The following ALMS1 variants were observed in gnomAD, a reference collection of about 807,000 sequenced individuals.
The protein encoded by ALMS1 is centrosome-associated protein ALMS1.
In ALMS1, 271 loss-of-function variants were observed where a neutral mutation model predicts 352.2. The observed-to-expected ratio is 0.77, with a 90% CI of 0.70 to 0.85. The LOEUF (loss-of-function observed/expected upper bound fraction) is 0.85. Ranked by LOEUF, ALMS1 falls within the 40% of genes least tolerant of loss-of-function variation. The pLI, the probability that ALMS1 is intolerant of heterozygous loss-of-function variation, is 0.00. For missense variants in ALMS1, 5,445 were observed against 4,870.7 expected, an observed-to-expected ratio of 1.12 and a Z score of -3.51; for synonymous variants, 1,865 against 1,761.2, an observed-to-expected ratio of 1.06 and a Z score of -1.48.
intron 12 of ALMS1, among the ~76,000 whole-genome samples, chr2:73,544,532 A>G (rs1258680109): frequency 6.6e-6 from 1 of 152,178 alleles, no homozygotes; most frequent in Non-Finnish European, 1.5e-5. Flanking sequence ...TAAATAAATA[A>G]AAAAGCAAAG....
chr2:73,409,754 A>G (rs550606247), intron 2 of ALMS1, among the ~76,000 whole-genome samples: 2 of 152,270 alleles, frequency 1.3e-5, no homozygotes, highest in Admixed American at 6.5e-5. Flanking sequence ...ATGTGTATAT[A>G]TATATCTTTA....
intron 10 of ALMS1, among the ~76,000 whole-genome samples, chr2:73,492,867 A>ACCGGTCTCAGCAC (rs1673020872): frequency 1.3e-5 from 2 of 152,130 alleles, no homozygotes; most frequent in Non-Finnish European, 2.9e-5. Flanking sequence ...CCACCTGAAT[A>ACCGGTCTCAGCAC]GCTGGGACCA....
At chr2:73,424,381 A>T (rs1183944540) in intron 4 of ALMS1, 49 bp from the exon 5 acceptor site, 2 of 1,234,628 alleles carry the variant, frequency 1.6e-6, no homozygotes, top group Non-Finnish European at 2.2e-6. Context: ...TTAAAAATTA[A>T]ATGTTTTTAA....
At chr2:73,386,788 G>A (rs1670548448) in intron 1 of ALMS1, among the ~76,000 whole-genome samples, 1 of 152,148 alleles carries the variant, frequency 6.6e-6, no homozygotes, top group African/African-American at 2.4e-5. Context: ...ACAAAGCACA[G>A]ATAATACACA....
chr2:73,574,260 G>C (rs770457812), intron 16 of ALMS1, among the ~76,000 whole-genome samples: 1 of 152,170 alleles, frequency 6.6e-6, no homozygotes, highest in Non-Finnish European at 1.5e-5. Flanking sequence ...TAATAAGGGA[G>C]ATCTCAAGGG....
At chr2:73,447,834 T>C in intron 7 of ALMS1, 126 bp from the exon 8 acceptor site, 1 of 1,252,700 alleles carries the variant, frequency 8.0e-7, no homozygotes, top group Non-Finnish European at 1.1e-6. Flanking sequence ...TTATCTCCTT[T>C]GATGGCTGTT....
Position 73,557,232 on chromosome 2 carries a change from A to T in ALMS1, c.10091A>T (p.Gln3364Leu), listed in dbSNP as rs1221439084. 1 of 1,614,136 alleles carries T rather than the reference A, an allele frequency of 6.2e-7. No homozygotes were observed. Among genetic ancestry groups the T allele is most frequent in the Admixed American group, 1.7e-5 (1 of 60,014 alleles). ...LQNENADASVQVLITGDENLS... is the reference protein window; with the variant it reads ...LQNENADASVLVLITGDENLS... ...GTCGTTATTCCAGATGCCTCAGTTC[A>T]AGTGCTAATCACTGGGGATGAGAAC... Residue 3364 changes from glutamine (Q) to leucine (L), a missense_variant, in exon 14 of 23, where the codon CAA (glutamine) becomes CTA (leucine). By Grantham distance (113) the Gln-to-Leu change is moderately radical. Transcript: ENST00000613296.
At chr2:73,481,484 GTA>G (rs1230158890) in intron 9 of ALMS1, among the ~76,000 whole-genome samples, 1 of 152,150 alleles carries the variant, frequency 6.6e-6, no homozygotes, top group Non-Finnish European at 1.5e-5. Flanking sequence ...CTGTAGCCTT[GTA>G]GTATAGTTTG....
intron 11 of ALMS1, among the ~76,000 whole-genome samples, chr2:73,529,594 T>C (rs567122405): frequency 4.9e-4 from 75 of 152,324 alleles, no homozygotes; most frequent in African/African-American, 1.7e-3. Flanking sequence ...TTGGGTGTTA[T>C]GATCTGAGTT....
At chr2:73,594,471 C>G (rs1467241860) in intron 16 of ALMS1, among the ~76,000 whole-genome samples, 3 of 152,170 alleles carry the variant, frequency 2.0e-5, no homozygotes, top group African/African-American at 7.2e-5. Flanking sequence ...TACTTGTGTC[C>G]TTTGGAAGTG....
chr2:73,496,485 A>G (rs1272833695), intron 10 of ALMS1, among the ~76,000 whole-genome samples: 1 of 152,210 alleles, frequency 6.6e-6, no homozygotes, highest in Non-Finnish European at 1.5e-5. Flanking sequence ...CCATTCACTC[A>G]CTGAAGGATA....
At chr2:73,489,609 G>T (rs1445525924) in intron 9 of ALMS1, 25 bp from the exon 10 acceptor site, 1 of 1,613,602 alleles carries the variant, frequency 6.2e-7, no homozygotes, top group Non-Finnish European at 8.5e-7. Flanking sequence ...CTTCAAATAA[G>T]AACCTGTTTG....
intron 11 of ALMS1, among the ~76,000 whole-genome samples, chr2:73,528,378 A>G (rs1248352290): frequency 1.3e-5 from 2 of 152,218 alleles, no homozygotes; most frequent in Non-Finnish European, 2.9e-5. Flanking sequence ...AGCTGTAAGA[A>G]TACTTGCTTT....
chr2:73,576,735 T>G (rs1446215279), intron 16 of ALMS1, among the ~76,000 whole-genome samples: 1 of 151,800 alleles, frequency 6.6e-6, no homozygotes, highest in Non-Finnish European at 1.5e-5. Flanking sequence ...ATTCTCCTGC[T>G]TCAGCCTCCC....
rs142611294 is a variant in ALMS1 at position 73,490,701 on chromosome 2, A to G, written c.8742A>G (p.Val2914=). 1,311 of 1,614,208 alleles carry G rather than the reference A, an allele frequency of 8.1e-4. 6 individuals are homozygous for G. In the African/African-American group the frequency reaches 0.015, roughly 18 times the overall value. ...CCTCTCCTCAACATCAGGATTATGT[A>G]GCTCCAGACCTTCCTTCTTGCATTT... ...HSPSPQHQDY[V]APDLPSCIFL... Residue 2914 remains valine (V), a synonymous_variant, in exon 10 of 23, where the codon GTA becomes GTG. Transcript: ENST00000613296.
Position 73,426,674 on chromosome 2 carries a change from T to G in ALMS1, c.1338+121T>G. The G allele has an allele frequency of 7.1e-6, 7 of 982,160 alleles. No homozygotes were observed. The South Asian group carries it at 9.4e-5, about 13-fold the overall frequency. 60.8% of individuals were successfully genotyped at this position (982,160 alleles called of 1,614,324 possible). A position where few individuals can be genotyped will look rare whatever the true frequency, so the allele number is the denominator to read the frequency against. On this transcript the variant is annotated intron_variant, in intron 6 of 22. Coordinates refer to ENST00000613296, the MANE Select transcript of ALMS1 (RefSeq NM_001378454.1). ...TTTCCTGGGTACATGACCAATGTCA[T>G]TTGACTGGTGAGTACATTGAGCTAG...
rs1245546946 is a variant in ALMS1 at position 73,490,812 on chromosome 2, A to G, written c.8853A>G (p.Gln2951=). 1.2e-6 allele frequency: 2 copies of G among 1,614,028 alleles called. No individual in the cohort carries two copies. Among genetic ancestry groups the G allele is most frequent in the Non-Finnish European group, 1.7e-6 (2 of 1,180,024 alleles). Residue 2951 remains glutamine, a synonymous_variant, in exon 10 of 23, where the codon CAA becomes CAG. Transcript: ENST00000613296. ...QMRENHSPLP[Q]GQDSIASDLP... ...GAGAAAACCATTCTCCCCTTCCTCAAGGTCAGGATTCTATAGCTTCAGACC... is the reference window on the plus strand; with the variant it reads ...GAGAAAACCATTCTCCCCTTCCTCAGGGTCAGGATTCTATAGCTTCAGACC...
At chr2:73,417,939 C>T (rs1671208363) in intron 2 of ALMS1, among the ~76,000 whole-genome samples, 1 of 152,138 alleles carries the variant, frequency 6.6e-6, no homozygotes, top group Non-Finnish European at 1.5e-5. Flanking sequence ...CCATGATTTG[C>T]TTGTTACTGG....
At chr2:73,484,051 T>C (rs1233873426) in intron 9 of ALMS1, among the ~76,000 whole-genome samples, 1 of 151,888 alleles carries the variant, frequency 6.6e-6, no homozygotes, top group East Asian at 1.9e-4. Flanking sequence ...TGCCTTTTAA[T>C]TGGAGCATTT....
Sources: gnomAD v4.1 joint callset for allele counts (sites outside exome capture counted in the v4.1 genomes callset) on GRCh38, gnomAD v4.1.1 for gene constraint, MANE v1.5 for transcripts, NCBI Gene and HGNC (gene_info 2026-07-23, HGNC 2026-07-21) for gene names.